DLC1: variants seen among roughly 807,000 people sequenced by gnomAD.
DLC1 encodes DLC1 Rho GTPase activating protein, also known as rho GTPase-activating protein 7.
Under a neutral mutation model 140.3 loss-of-function variants are expected in DLC1, and 54 were observed. The ratio of observed to expected loss-of-function variants is 0.38; its 90% CI spans 0.31 to 0.48. The LOEUF (loss-of-function observed/expected upper bound fraction) is 0.48. Ranked by LOEUF, DLC1 falls within the 20% of genes least tolerant of loss-of-function variation. DLC1 has a pLI of 0.96. For synonymous variants in DLC1, 986 were observed against 728.1 expected (o/e 1.35, Z -5.70); for missense variants, 2,536 against 1,907.0 (o/e 1.33, Z -6.14).
chr8:13,195,552 A>G (rs990976713), intron 5 of DLC1, among the ~76,000 whole-genome samples: 4 of 152,208 alleles, frequency 2.6e-5, no homozygotes, highest in Admixed American at 1.3e-4. Flanking sequence ...TTCAGAGAAA[A>G]TTTTGTAGGT....
intron 2 of DLC1, among the ~76,000 whole-genome samples, chr8:13,495,462 T>G (rs926428794): frequency 1.3e-5 from 2 of 152,186 alleles, no homozygotes; most frequent in Non-Finnish European, 2.9e-5. Flanking sequence ...CACCCAACCT[T>G]ATGGCACATT....
intron 5 of DLC1, among the ~76,000 whole-genome samples, chr8:13,185,457 G>A (rs572433302): frequency 3.3e-5 from 5 of 151,810 alleles, no homozygotes; most frequent in African/African-American, 9.7e-5. Context: ...ACAGGCGCCC[G>A]CCACCACGCC....
intron 2 of DLC1, among the ~76,000 whole-genome samples, chr8:13,451,068 A>AAAAAAAAAG (rs1799028861): frequency 2.1e-5 from 3 of 143,876 alleles, no homozygotes; most frequent in South Asian, 2.2e-4. Context: ...AAAAAAAAAA[A>AAAAAAAAAG]GAAAAAAAGA....
At chr8:13,379,690 G>A (rs750325126) in intron 4 of DLC1, among the ~76,000 whole-genome samples, 3 of 152,100 alleles carry the variant, frequency 2.0e-5, no homozygotes, top group African/African-American at 2.4e-5. Flanking sequence ...AGAACTTGCA[G>A]GTTTGTTACA....
chr8:13,349,969 T>C (rs755803462), intron 4 of DLC1, among the ~76,000 whole-genome samples: 17 of 152,294 alleles, frequency 1.1e-4, no homozygotes, highest in South Asian at 2.1e-4. Context: ...AGCTTTTCCA[T>C]ACAATGGGGG....
chr8:13,222,098 T>C (rs979675149), intron 5 of DLC1, among the ~76,000 whole-genome samples: 3 of 151,458 alleles, frequency 2.0e-5, no homozygotes, highest in African/African-American at 7.3e-5. Context: ...TTTTCATCAA[T>C]TCATGTGTAT....
intron 1 of DLC1, among the ~76,000 whole-genome samples, chr8:13,579,162 T>A (rs1360983319): frequency 7.1e-6 from 1 of 140,252 alleles, no homozygotes; most frequent in Admixed American, 7.5e-5. Flanking sequence ...AAACCAGGGG[T>A]CAAAGAACAA....
At chr8:13,297,487 A>T (rs879276170) in intron 5 of DLC1, among the ~76,000 whole-genome samples, 2 of 152,056 alleles carry the variant, frequency 1.3e-5, no homozygotes, top group Admixed American at 6.6e-5. Flanking sequence ...CCTTTAGAAT[A>T]GAAAGATAAG....
intron 5 of DLC1, among the ~76,000 whole-genome samples, chr8:13,267,910 C>G (rs1384758263): frequency 6.6e-6 from 1 of 152,044 alleles, no homozygotes; most frequent in East Asian, 1.9e-4. Flanking sequence ...TGTCTTTTCA[C>G]TATGTCTTGG....
At chr8:13,551,268 T>A (rs1265635270) in intron 1 of DLC1, among the ~76,000 whole-genome samples, 1 of 152,118 alleles carries the variant, frequency 6.6e-6, no homozygotes, top group Admixed American at 6.6e-5. Flanking sequence ...CAATCTAGCA[T>A]GCATTGTTCT....
intron 4 of DLC1, among the ~76,000 whole-genome samples, chr8:13,387,978 C>T (rs979904499): frequency 6.6e-6 from 1 of 151,832 alleles, no homozygotes; most frequent in Non-Finnish European, 1.5e-5. Flanking sequence ...ACAGTCTTCC[C>T]AGAAATGTGT....
Position 13,464,548 on chromosome 8 carries a change from T to G in DLC1, c.1023+34501A>C, listed in dbSNP as rs571956775. Among the ~76,000 whole-genome samples, 7 of 151,904 alleles carry G rather than the reference T, an allele frequency of 4.6e-5. No homozygotes were observed. In the East Asian group the frequency reaches 1.4e-3, roughly 29 times the overall value. ...AAACATATGTCCCATATATGTAAAT[T>G]ATAACCCATAATATTACAATGATCC... On this transcript the variant is annotated intron_variant, in intron 2 of 17. Transcript: ENST00000276297.
intron 5 of DLC1, among the ~76,000 whole-genome samples, chr8:13,120,356 A>AATATATAT (rs1554577907): frequency 4.9e-5 from 3 of 61,118 alleles, no homozygotes; most frequent in African/African-American, 1.2e-4. Flanking sequence ...AAAAAAAAAA[A>AATATATAT]ATATATATAT....
At chr8:13,235,040 A>G (rs1424698772) in intron 5 of DLC1, among the ~76,000 whole-genome samples, 1 of 151,990 alleles carries the variant, frequency 6.6e-6, no homozygotes, top group African/African-American at 2.4e-5. Flanking sequence ...CTTTATTACA[A>G]TCAATTTAGT....
In DLC1 at chr8:13,099,796, G is replaced by A; in HGVS notation, c.2541C>T (p.Gly847=). 6.2e-7 allele frequency: 1 copy of A among 1,614,162 alleles called. No individual in the cohort carries two copies. The highest frequency in any genetic ancestry group is 2.2e-5 in the East Asian group (1 of 44,858). The change falls in exon 9 of 18, where the codon GGC becomes GGT. Residue 847 remains glycine, a synonymous_variant. Coordinates refer to ENST00000276297, the MANE Select transcript of DLC1 (RefSeq NM_182643.3). The stretch of plus-strand genomic sequence containing the variant: ...TGTTTTCCCTCCTGAGGCTGATGTG[G>A]CCAGGGCCGTGGAAGCTTCCCGTCC... ...NWRTGSFHGP[G]HISLRRENSS...
intron 2 of DLC1, among the ~76,000 whole-genome samples, chr8:13,434,958 G>T (rs1839051696): frequency 6.6e-6 from 1 of 150,564 alleles, no homozygotes; most frequent in Non-Finnish European, 1.5e-5. Context: ...GGGATTACAG[G>T]CGTGACCCCC....
At chr8:13,373,978 C>A (rs1047091021) in intron 4 of DLC1, among the ~76,000 whole-genome samples, 8 of 152,126 alleles carry the variant, frequency 5.3e-5, no homozygotes, top group Non-Finnish European at 1.0e-4. Flanking sequence ...GCAAAGATGT[C>A]ATCTAAGTTT....
At chr8:13,355,170 TG>T (rs1834872521) in intron 4 of DLC1, among the ~76,000 whole-genome samples, 1 of 102,584 alleles carries the variant, frequency 9.7e-6, no homozygotes, top group African/African-American at 3.5e-5. Flanking sequence ...TAATAGACTT[TG>T]TTACTTAAAC....
chr8:13,496,938 C>G (rs867779133), intron 2 of DLC1, among the ~76,000 whole-genome samples: 1 of 151,510 alleles, frequency 6.6e-6, no homozygotes, highest in Admixed American at 6.6e-5. Flanking sequence ...GTAGCTGGGA[C>G]TATAGGCGCC....
Sources: gnomAD v4.1 joint callset for allele counts (sites outside exome capture counted in the v4.1 genomes callset) on GRCh38, gnomAD v4.1.1 for gene constraint, MANE v1.5 for transcripts, NCBI Gene and HGNC (gene_info 2026-07-23, HGNC 2026-07-21) for gene names.